Variants in CREB5 observed in about 807,000 individuals in gnomAD.
CREB5 encodes cyclic AMP-responsive element-binding protein 5.
CREB5 carries 19 observed loss-of-function variants against 57.1 expected under a neutral mutation model. The ratio of observed to expected loss-of-function variants is 0.33; its 90% CI spans 0.23 to 0.49. The LOEUF (loss-of-function observed/expected upper bound fraction) is 0.49. Among genes scored for constraint, CREB5 ranks in the 20% least tolerant of loss-of-function variants. The pLI, the probability that CREB5 is intolerant of heterozygous loss-of-function variation, is 0.99. For synonymous variants in CREB5, 238 were observed against 238.3 expected (o/e 1.00, Z 0.01); for missense variants, 579 against 671.6 (o/e 0.86, Z 1.52).
chr7:28,724,682 C>T (rs2128749299), intron 7 of CREB5: 1 of 181,264 alleles, frequency 5.5e-6, no homozygotes, highest in South Asian at 1.2e-4. Flanking sequence ...AAGGTAGTTA[C>T]AGTTTCAATG....
chr7:28,560,955 T>TGTGC lies in CREB5; in HGVS notation c.292-9407_292-9406insCGTG, dbSNP rs1795212076. ...GTGTGTGCGTGCGTGTGTGTGCGTG[T>TGTGC]GTGTGCGTGTGTGTGTGCGTGTGTG... On this transcript the variant is annotated intron_variant, in intron 4 of 10. Coordinates refer to ENST00000357727, the MANE Select transcript of CREB5 (RefSeq NM_182898.4). Among the ~76,000 whole-genome samples the TGTGC allele has an allele frequency of 2.7e-4, 6 of 22,146 alleles. 1 individual carries two copies. Among genetic ancestry groups the TGTGC allele is most frequent in the Admixed American group, 2.5e-3 (5 of 1,962 alleles). The allele number at this position is 22,146 out of a possible 152,430, so 14.5% of individuals were successfully genotyped here. A position where few individuals can be genotyped will look rare whatever the true frequency, so the allele number is the denominator to read the frequency against.
In CREB5 at chr7:28,583,056, AG is replaced by A. The variant is rs554843863; in HGVS notation, c.464+12523del. Among the ~76,000 whole-genome samples the A allele has an allele frequency of 1.9e-3, 284 of 152,316 alleles. 3 individuals are homozygous for A. The highest frequency in any genetic ancestry group is 4.6e-3 in the South Asian group (22 of 4,824). On this transcript the variant is annotated intron_variant, in intron 5 of 10. Coordinates refer to ENST00000357727, the MANE Select transcript of CREB5 (RefSeq NM_182898.4). ...GCCTGCCCAGGGGCTGCCAAGCATG[AG>A]GGGTGTGGAGATTGGCCAGGTGGGC... is the stretch of plus-strand genomic sequence containing the variant.
intron 7 of CREB5, among the ~76,000 whole-genome samples, chr7:28,775,563 TA>T (rs1806577651): frequency 1.4e-5 from 2 of 148,134 alleles, no homozygotes; most frequent in Non-Finnish European, 3.0e-5. Flanking sequence ...TATATATATA[TA>T]TTAGCGTATT....
chr7:28,673,777 G>A (rs966820731), intron 5 of CREB5, among the ~76,000 whole-genome samples: 2 of 142,930 alleles, frequency 1.4e-5, no homozygotes, highest in Non-Finnish European at 3.0e-5. Context: ...AGGCTCAAGT[G>A]ATCCTCCCTA....
intron 1 of CREB5, among the ~76,000 whole-genome samples, chr7:28,323,569 C>G (rs1785528062): frequency 6.6e-6 from 1 of 152,070 alleles, no homozygotes; most frequent in African/African-American, 2.4e-5. Context: ...CTTTTCGGCT[C>G]CTGAACTCTT....
At chr7:28,616,885 A>T (rs1197113893) in intron 5 of CREB5, among the ~76,000 whole-genome samples, 1 of 152,232 alleles carries the variant, frequency 6.6e-6, no homozygotes, top group Non-Finnish European at 1.5e-5. Context: ...TTAATTCAAT[A>T]GTTCATTTAT....
chr7:28,501,535 G>C (rs776858891), intron 3 of CREB5, among the ~76,000 whole-genome samples: 1 of 152,134 alleles, frequency 6.6e-6, no homozygotes, highest in African/African-American at 2.4e-5. Context: ...TGCTGTCTTC[G>C]TTCTGTCTGG....
intron 1 of CREB5, among the ~76,000 whole-genome samples, chr7:28,302,070 G>A (rs1429080577): frequency 6.6e-6 from 1 of 152,056 alleles, no homozygotes; most frequent in East Asian, 1.9e-4. Context: ...TATTTGAGTG[G>A]CCTATGTGTC....
chr7:28,690,565 C>A (rs1801198534), intron 5 of CREB5, among the ~76,000 whole-genome samples: 1 of 152,148 alleles, frequency 6.6e-6, no homozygotes, highest in Non-Finnish European at 1.5e-5. Context: ...TTTGACAAGC[C>A]ACTTCACCTC....
chr7:28,515,913 T>C (rs970271460), intron 4 of CREB5, among the ~76,000 whole-genome samples: 1 of 151,714 alleles, frequency 6.6e-6, no homozygotes, highest in African/African-American at 2.4e-5. Flanking sequence ...AGTAAAAATA[T>C]ATATATATAT....
chr7:28,761,268 G>A (rs1442139900), intron 7 of CREB5, among the ~76,000 whole-genome samples: 1 of 152,164 alleles, frequency 6.6e-6, no homozygotes, highest in Non-Finnish European at 1.5e-5. Flanking sequence ...ACCCTAGATG[G>A]GGTTCCACAG....
intron 4 of CREB5, among the ~76,000 whole-genome samples, chr7:28,560,883 C>CGCGCGCGT (rs1795138103): frequency 5.8e-5 from 1 of 17,278 alleles, no homozygotes; most frequent in Non-Finnish European, 1.2e-4. Flanking sequence ...CGCGTGCGTG[C>CGCGCGCGT]GTGCGTGTGT....
At chr7:28,769,817 A>T (rs944431993) in intron 7 of CREB5, among the ~76,000 whole-genome samples, 2 of 152,198 alleles carry the variant, frequency 1.3e-5, no homozygotes, top group African/African-American at 4.8e-5. Flanking sequence ...TAAAAGACAG[A>T]CAATTCCAAT....
chr7:28,417,127 A>G (rs1788059701), intron 1 of CREB5, among the ~76,000 whole-genome samples: 1 of 152,154 alleles, frequency 6.6e-6, no homozygotes, highest in African/African-American at 2.4e-5. Flanking sequence ...ATTTGTGATG[A>G]GAATGTCGGG....
At chr7:28,780,621 C>T (rs1404841152) in intron 7 of CREB5, among the ~76,000 whole-genome samples, 1 of 152,104 alleles carries the variant, frequency 6.6e-6, no homozygotes, top group Admixed American at 6.5e-5. Context: ...ACTCAGGTGG[C>T]TGAGGCACGA....
chr7:28,556,422 C>A (rs1794880609), intron 4 of CREB5, among the ~76,000 whole-genome samples: 1 of 152,006 alleles, frequency 6.6e-6, no homozygotes. Flanking sequence ...CTTGGGCACA[C>A]CATGGGATGG....
At chr7:28,305,505 A>C (rs560652020) in intron 1 of CREB5, among the ~76,000 whole-genome samples, 1 of 152,106 alleles carries the variant, frequency 6.6e-6, no homozygotes, top group South Asian at 2.1e-4. Context: ...CTGTGGAGAA[A>C]TGGACACTTA....
At chr7:28,733,849 G>A (rs1803810009) in intron 7 of CREB5, among the ~76,000 whole-genome samples, 1 of 152,208 alleles carries the variant, frequency 6.6e-6, no homozygotes, top group Non-Finnish European at 1.5e-5. Context: ...GTGTTACTGT[G>A]ATTTAATATG....
intron 3 of CREB5, among the ~76,000 whole-genome samples, chr7:28,497,397 G>A (rs1298200978): frequency 2.0e-5 from 3 of 152,220 alleles, no homozygotes; most frequent in Admixed American, 6.5e-5. Context: ...GCAGTGCCAG[G>A]TGGAATATTA....
Sources: allele counts gnomAD v4.1 joint callset (sites outside exome capture counted in the v4.1 genomes callset), GRCh38; gene constraint gnomAD v4.1.1; transcripts MANE v1.5; gene names NCBI Gene and HGNC (gene_info 2026-07-23, HGNC 2026-07-21).